TDRD9: variants seen among roughly 807,000 people sequenced by gnomAD.
TDRD9 encodes the protein ATP-dependent RNA helicase TDRD9.
In TDRD9, 124 loss-of-function variants were observed where a neutral mutation model predicts 172.6. That is an observed-to-expected ratio of 0.72 (90% CI 0.62 to 0.83). The LOEUF is 0.83. Ranked by LOEUF, TDRD9 falls within the 40% of genes least tolerant of loss-of-function variation. The pLI is 0.00. For missense variants in TDRD9, 1,479 were observed against 1,714.1 expected (o/e 0.86, Z 2.42); for synonymous variants, 619 against 617.1 (o/e 1.00, Z -0.05).
intron 35 of TDRD9, among the ~76,000 whole-genome samples, chr14:104,050,609 C>T (rs867352958): frequency 6.7e-6 from 1 of 149,700 alleles, no homozygotes; most frequent in Admixed American, 6.6e-5. Flanking sequence ...TCCCATCCTG[C>T]GCCTCAAGGT....
chr14:104,050,399 G>C (rs190567068), intron 35 of TDRD9, among the ~76,000 whole-genome samples: 1 of 152,288 alleles, frequency 6.6e-6, no homozygotes, highest in East Asian at 1.9e-4. Flanking sequence ...CATGAAGAAG[G>C]ACAAAGCCCT....
At position 104,018,137 on chromosome 14, in the gene TDRD9, C is replaced by T. The variant is rs1356443194; in HGVS notation, c.2377C>T (p.Gln793Ter). The stretch of plus-strand genomic sequence containing the variant: ...TGGATTTCTTTACTATAAACAACTA[C>T]AGTCTCTCTTTAGACAGTGTGGTCA... Reference protein sequence around the residue: ...PYGFLYYKQLQSLFRQCGQVK... With the variant: ...PYGFLYYKQL The change falls in exon 23 of 36, where the codon CAG (glutamine) becomes TAG (stop). Residue 793 changes from glutamine to a stop codon, truncating the protein, a stop_gained. Transcript: ENST00000409874. LOFTEE classifies it high-confidence loss of function. 3 of 1,609,030 alleles carry T rather than the reference C, an allele frequency of 1.9e-6. No homozygotes were observed. Among genetic ancestry groups the T allele is most frequent in the East Asian group, 2.2e-5 (1 of 44,844 alleles).
At chr14:103,998,854 G>A (rs776926687) in intron 13 of TDRD9, 126 bp downstream of exon 13, 14 of 557,078 alleles carry the variant, frequency 2.5e-5, no homozygotes, top group East Asian at 1.2e-4. Flanking sequence ...AGGCAGTGGC[G>A]CGATCTCGGT....
chr14:104,046,732 G>A (rs938349943), intron 34 of TDRD9, among the ~76,000 whole-genome samples: 1 of 151,148 alleles, frequency 6.6e-6, no homozygotes, highest in Non-Finnish European at 1.5e-5. Flanking sequence ...TGCAAGCTCC[G>A]CCCCCCGGGT....
chr14:103,938,428 A>ATT (rs1566723213), intron 1 of TDRD9, among the ~76,000 whole-genome samples: 4 of 43,480 alleles, frequency 9.2e-5, no homozygotes, highest in African/African-American at 3.9e-4. Context: ...ATATATATAT[A>ATT]TATATATATA....
chr14:103,955,651 C>T lies in TDRD9; in HGVS notation c.216-13C>T. 6.5e-7 allele frequency: 1 copy of T among 1,544,378 alleles called. No individual in the cohort carries two copies. The highest frequency in any genetic ancestry group is 1.2e-5 in the South Asian group (1 of 83,378). On this transcript the variant is annotated splice_polypyrimidine_tract_variant and intron_variant, in intron 1 of 35. Coordinates refer to ENST00000409874, the MANE Select transcript of TDRD9 (RefSeq NM_153046.3). ...TTTGGAAATAGTATACTAACTTTTACTATTCTTTTCAGGTCACTCAGCCAA... is the reference window on the plus strand; with the variant it reads ...TTTGGAAATAGTATACTAACTTTTATTATTCTTTTCAGGTCACTCAGCCAA...
At chr14:104,031,962 C>A in intron 29 of TDRD9, 55 bp from the exon 30 acceptor site, 3 of 1,183,676 alleles carry the variant, frequency 2.5e-6, no homozygotes, top group South Asian at 1.6e-5. Flanking sequence ...TTTAAAAATT[C>A]ATGTTAAGTG....
Position 104,042,082 on chromosome 14 carries a change from GGGCTGCTATTAACAAGCTA to G in TDRD9, c.3871_3889del (p.Ala1291SerfsTer28), listed in dbSNP as rs2035626112. On this transcript the variant is annotated frameshift_variant, in exon 34 of 36. Coordinates refer to ENST00000409874, the MANE Select transcript of TDRD9 (RefSeq NM_153046.3). LOFTEE classifies it high-confidence loss of function. ...GTTCATTTACAGGTTAATATTCTCA[GGGCTGCTATTAACAAGCTA>G]GTCTGTGATGGACCAAATGGATGCA... 4.4e-6 allele frequency: 7 copies of G among 1,607,620 alleles called. No individual in the cohort carries two copies. Among genetic ancestry groups the G allele is most frequent in the Non-Finnish European group, 6.0e-6 (7 of 1,174,232 alleles).
Position 104,039,284 on chromosome 14 carries a change from G to T in TDRD9, c.3717-912G>T, listed in dbSNP as rs372377196. 2.6e-5 allele frequency among the ~76,000 whole-genome samples: 4 copies of T among 152,260 alleles called. No homozygotes were observed. The East Asian group carries it at 7.7e-4, about 29-fold the overall frequency. On this transcript the variant is annotated intron_variant, in intron 32 of 35. Transcript: ENST00000409874. ...TTCCAGAGGGTCCCTCCCATGACAC[G>T]TGGGGATTATTTAGGATGAGATTTG...
At chr14:103,976,040 C>A (rs2033226363) in intron 7 of TDRD9, among the ~76,000 whole-genome samples, 1 of 152,088 alleles carries the variant, frequency 6.6e-6, no homozygotes, top group African/African-American at 2.4e-5. Flanking sequence ...TCCTATTTCC[C>A]CCCCTTCCCA....
intron 27 of TDRD9, 150 bp downstream of exon 27, chr14:104,026,286 A>G (rs990888854): frequency 8.1e-6 from 5 of 614,754 alleles, no homozygotes; most frequent in Admixed American, 3.0e-5. Flanking sequence ...ACAATAGCCA[A>G]ATTTGGTTTC....
intron 13 of TDRD9, among the ~76,000 whole-genome samples, chr14:104,003,508 T>A (rs1053980073): frequency 1.3e-5 from 2 of 152,236 alleles, no homozygotes; most frequent in Admixed American, 6.5e-5. Context: ...TTTGTTAGGA[T>A]CTAGATCCCC....
intron 1 of TDRD9, chr14:103,928,925 T>A (rs1278907062): frequency 1.4e-4 from 5 of 36,334 alleles, no homozygotes; most frequent in East Asian, 6.2e-4. Flanking sequence ...GAGCTAGAGG[T>A]TTTTTTTTTT....
intron 1 of TDRD9, chr14:103,941,245 TA>T (rs1378574779): frequency 1.1e-6 from 1 of 945,134 alleles, no homozygotes; most frequent in African/African-American, 1.7e-5. Context: ...ATGCTTCTAG[TA>T]AAGAAATTTT....
intron 12 of TDRD9, 118 bp from the exon 13 acceptor site, chr14:103,998,506 C>T: frequency 1.5e-6 from 1 of 681,048 alleles, no homozygotes; most frequent in Middle Eastern, 4.2e-4. Context: ...ACGTTTCTGC[C>T]TGTTCACTAA....
At chr14:103,939,743 G>GTTTTTTTTTTTGTT (rs1566724639) in intron 1 of TDRD9, 1 of 17,448 alleles carries the variant, frequency 5.7e-5, no homozygotes, top group Non-Finnish European at 1.2e-4. Context: ...GAAAAAAAGT[G>GTTTTTTTTTTTGTT]TTTTTTTTTT....
rs201579783 is a variant in TDRD9 at position 104,040,356 on chromosome 14, G to A, written c.3855+22G>A. The A allele has an allele frequency of 4.6e-5, 71 of 1,529,344 alleles. No individual in the cohort carries two copies. The Middle Eastern group carries it at 6.8e-4, about 15-fold the overall frequency. The allele number at this position is 1,529,344 out of a possible 1,614,324, so 94.7% of individuals were successfully genotyped here. A position where few individuals can be genotyped will look rare whatever the true frequency, so the allele number is the denominator to read the frequency against. On this transcript the variant is annotated intron_variant, in intron 33 of 35. Transcript: ENST00000409874. ...CGAGGTAAGGGTAGTGCAGCATCAC[G>A]GCACCACAACCCTGTCTCTCTCTGG...
chr14:104,049,575 T>C (rs1392951598), intron 34 of TDRD9, 33 bp from the exon 35 acceptor site: 18 of 1,492,556 alleles, frequency 1.2e-5, no homozygotes, highest in Non-Finnish European at 1.5e-5. Context: ...TACTAATATA[T>C]AATTAAGATA....
At chr14:103,933,235 T>C (rs1021641584) in intron 1 of TDRD9, among the ~76,000 whole-genome samples, 1 of 152,234 alleles carries the variant, frequency 6.6e-6, no homozygotes, top group African/African-American at 2.4e-5. Context: ...TGATATACCA[T>C]TTTGAGCATT....
Sources: gnomAD v4.1 joint callset for allele counts (sites outside exome capture counted in the v4.1 genomes callset) on GRCh38, gnomAD v4.1.1 for gene constraint, MANE v1.5 for transcripts, NCBI Gene and HGNC (gene_info 2026-07-23, HGNC 2026-07-21) for gene names.